PLEKHM3: variants seen among roughly 807,000 people sequenced by gnomAD.
The protein encoded by PLEKHM3 is pleckstrin homology domain-containing family M member 3.
A neutral mutation model predicts 81.8 loss-of-function variants in PLEKHM3; 45 were observed. The ratio of observed to expected loss-of-function variants is 0.55; its 90% CI spans 0.43 to 0.71. The LOEUF is 0.71. Among genes scored for constraint, PLEKHM3 ranks in the 30% least tolerant of loss-of-function variants. The probability of loss-of-function intolerance (pLI) is 0.00; values close to 1 mark genes in which losing one functional copy is unlikely to be tolerated. For missense variants in PLEKHM3, 788 were observed against 924.3 expected (o/e 0.85, Z 1.91); for synonymous variants, 352 against 356.4 (o/e 0.99, Z 0.14).
intron 5 of PLEKHM3, chr2:207,930,028 C>A: frequency 1.7e-6 from 1 of 596,372 alleles, no homozygotes; most frequent in Non-Finnish European, 3.0e-6. Context: ...TTTGTATATG[C>A]CAAGGGTGAG....
chr2:207,852,868 A>AC (rs1559207577), intron 7 of PLEKHM3: 4 of 420,478 alleles, frequency 9.5e-6, no homozygotes, highest in Non-Finnish European at 1.4e-5. Context: ...GAAAAAAAAA[A>AC]CCCCAAACCT....
Position 208,001,476 on chromosome 2 carries a change from G to C in PLEKHM3, c.164C>G (p.Thr55Arg). 6 of 1,614,154 alleles carry C rather than the reference G, an allele frequency of 3.7e-6. No homozygotes were observed. The highest frequency in any genetic ancestry group is 1.1e-5 in the South Asian group (1 of 91,076). The change falls in exon 2 of 8, where the codon ACA becomes AGA. Residue 55 changes from threonine (T) to arginine (R), a missense_variant. By Grantham distance (71) the Thr-to-Arg change is moderately conservative. Coordinates refer to ENST00000427836, the MANE Select transcript of PLEKHM3 (RefSeq NM_001080475.3). ...LVGHEVLSNI[T>R]DNGAMRNVTS... ...GACATTTCTCATAGCACCATTGTCT[G>C]TTATGTTACTGAGTACCTCATGCCC...
chr2:208,005,908 T>G (rs1692478439), intron 1 of PLEKHM3, among the ~76,000 whole-genome samples: 1 of 152,200 alleles, frequency 6.6e-6, no homozygotes. Flanking sequence ...TTTAAAGTTC[T>G]TGACGAACAC....
At chr2:207,847,021 A>G (rs1201339823) in intron 7 of PLEKHM3, among the ~76,000 whole-genome samples, 1 of 152,222 alleles carries the variant, frequency 6.6e-6, no homozygotes. Flanking sequence ...TAAACAGCAA[A>G]AAATTAAGCT....
chr2:207,942,051 A>G (rs1689955277), intron 4 of PLEKHM3, among the ~76,000 whole-genome samples: 1 of 152,230 alleles, frequency 6.6e-6, no homozygotes, highest in African/African-American at 2.4e-5. Flanking sequence ...CACTGTGGAA[A>G]ACAGTATGGG....
At chr2:207,922,605 G>A (rs566867687) in intron 5 of PLEKHM3, among the ~76,000 whole-genome samples, 1 of 152,240 alleles carries the variant, frequency 6.6e-6, no homozygotes, top group South Asian at 2.1e-4. Flanking sequence ...GAGGTCAGGA[G>A]ATCGAGACCA....
chr2:207,936,846 AGTGTGTGTGTGTGTGTGTGT>A (rs57642698), intron 4 of PLEKHM3, among the ~76,000 whole-genome samples: 1 of 146,712 alleles, frequency 6.8e-6, no homozygotes, highest in Non-Finnish European at 1.5e-5. Flanking sequence ...TAGATAAATT[AGTGTGTGTGTGTGTGTGTGT>A]GTGTGTGTGT....
intron 4 of PLEKHM3, among the ~76,000 whole-genome samples, chr2:207,934,762 T>C (rs2105947111): frequency 6.6e-6 from 1 of 152,344 alleles, no homozygotes; most frequent in Admixed American, 6.5e-5. Context: ...CATTTATAAG[T>C]AAACACATGT....
chr2:207,855,372 T>G (rs751037693), intron 7 of PLEKHM3, among the ~76,000 whole-genome samples: 1 of 152,036 alleles, frequency 6.6e-6, no homozygotes, highest in Non-Finnish European at 1.5e-5. Context: ...AAAGTACAAA[T>G]GAACTATGCA....
chr2:207,916,704 C>A (rs536439484), intron 5 of PLEKHM3, among the ~76,000 whole-genome samples: 13 of 152,086 alleles, frequency 8.5e-5, no homozygotes, highest in African/African-American at 3.1e-4. Flanking sequence ...GCCAAGACTG[C>A]ACCACTGCAC....
intron 7 of PLEKHM3, among the ~76,000 whole-genome samples, chr2:207,849,595 A>C (rs1366836822): frequency 6.6e-6 from 1 of 152,212 alleles, no homozygotes; most frequent in Non-Finnish European, 1.5e-5. Flanking sequence ...TAACAAAGGA[A>C]GAACACCTCC....
At chr2:207,865,859 G>A (rs199801471) in intron 6 of PLEKHM3, among the ~76,000 whole-genome samples, 1 of 108,406 alleles carries the variant, frequency 9.2e-6, no homozygotes, top group African/African-American at 3.5e-5. Context: ...TTATAGATTT[G>A]CCTATTCTGG....
intron 3 of PLEKHM3, among the ~76,000 whole-genome samples, chr2:207,947,158 T>C (rs11898685): frequency 0.2 from 30,405 of 152,170 alleles, 3,647 homozygotes; most frequent in Middle Eastern, 0.34. Flanking sequence ...TACTGTCCAA[T>C]GGGAACGTAA....
intron 7 of PLEKHM3, among the ~76,000 whole-genome samples, chr2:207,860,613 C>A (rs886541047): frequency 6.6e-6 from 1 of 152,180 alleles, no homozygotes; most frequent in Non-Finnish European, 1.5e-5. Flanking sequence ...CCATTTTTCT[C>A]TCCTTTGGAT....
At chr2:207,970,284 A>ACT (rs148855811) in intron 3 of PLEKHM3, among the ~76,000 whole-genome samples, 2 of 150,010 alleles carry the variant, frequency 1.3e-5, no homozygotes, top group African/African-American at 4.9e-5. Flanking sequence ...CAAAAATGAA[A>ACT]CTCTCTCTCT....
intron 7 of PLEKHM3, among the ~76,000 whole-genome samples, chr2:207,840,799 G>GTTTTTTTTTTTTTTTTT (rs1221570591): frequency 9.1e-6 from 1 of 109,796 alleles, no homozygotes; most frequent in African/African-American, 3.9e-5. Flanking sequence ...CACTTTTTAT[G>GTTTTTTTTTTTTTTTTT]TTTTTTTTTT....
At chr2:207,900,525 G>A (rs957601314) in intron 6 of PLEKHM3, 1 of 152,222 alleles carries the variant, frequency 6.6e-6, no homozygotes, top group Non-Finnish European at 1.5e-5. Context: ...TGGGATGGAA[G>A]ATACTGTTGC....
chr2:208,012,202 C>T (rs1009928191), intron 1 of PLEKHM3, among the ~76,000 whole-genome samples: 4 of 151,940 alleles, frequency 2.6e-5, no homozygotes, highest in African/African-American at 9.7e-5. Flanking sequence ...CCACCACGCC[C>T]GGCTAATTTT....
chr2:207,833,690 G>A (rs992639399), intron 7 of PLEKHM3, among the ~76,000 whole-genome samples: 1 of 152,136 alleles, frequency 6.6e-6, no homozygotes, highest in African/African-American at 2.4e-5. Context: ...TCCCAGTTGT[G>A]ACAACCAGCA....
Sources: allele counts gnomAD v4.1 joint callset (sites outside exome capture counted in the v4.1 genomes callset), GRCh38; gene constraint gnomAD v4.1.1; transcripts MANE v1.5; gene names NCBI Gene and HGNC (gene_info 2026-07-23, HGNC 2026-07-21).